Variants in ARMC7 observed in about 807,000 individuals in gnomAD.
The protein encoded by ARMC7 is armadillo repeat containing 7, also known as armadillo repeat-containing protein 7.
A neutral mutation model predicts 14.8 loss-of-function variants in ARMC7; 9 were observed. The observed-to-expected ratio is 0.61, with a 90% confidence interval of 0.37 to 1.06. ARMC7 has a LOEUF of 1.06. Among genes scored for constraint, ARMC7 ranks in the 50% least tolerant of loss-of-function variants. The probability of loss-of-function intolerance (pLI) is 0.01; values close to 1 mark genes in which losing one functional copy is unlikely to be tolerated. For synonymous variants in ARMC7, 125 were observed against 123.4 expected (o/e 1.01, Z -0.09); for missense variants, 262 against 267.1 (o/e 0.98, Z 0.13).
At chr17:75,121,570 T>G (rs534777329) in intron 2 of ARMC7, among the ~76,000 whole-genome samples, 29 of 152,276 alleles carry the variant, frequency 1.9e-4, no homozygotes, top group Non-Finnish European at 5.9e-5. Context: ...TAGGCCACCA[T>G]GCCTAGCTAA....
Position 75,110,590 on chromosome 17 carries a change from G to A in ARMC7, c.219G>A (p.Leu73=). The change falls in exon 2 of 3, where the codon CTG becomes CTA. Residue 73 remains leucine, a synonymous_variant. Coordinates refer to ENST00000245543, the MANE Select transcript of ARMC7 (RefSeq NM_024585.4). ...LDSLSEENET[L]VEFAIGGLCN... is the part of the protein sequence containing the mutation. ...CGCTGTCGGAGGAGAATGAGACCCT[G>A]GTGGAGTTTGCTATTGGTAAGGGCG... 6.2e-7 allele frequency: 1 copy of A among 1,614,242 alleles called. No homozygotes were observed. The highest frequency in any genetic ancestry group is 1.1e-5 in the South Asian group (1 of 91,090).
chr17:75,122,605 C>G (rs2074021417), intron 2 of ARMC7, among the ~76,000 whole-genome samples: 1 of 152,028 alleles, frequency 6.6e-6, no homozygotes, highest in Non-Finnish European at 1.5e-5. Context: ...TCAGGTGATC[C>G]TCCTGCCTCA....
At chr17:75,120,941 C>T (rs988425874) in intron 2 of ARMC7, among the ~76,000 whole-genome samples, 2 of 152,014 alleles carry the variant, frequency 1.3e-5, no homozygotes, top group Admixed American at 6.6e-5. Context: ...AGCTCCTAAA[C>T]CAAGACGTAG....
intron 2 of ARMC7, among the ~76,000 whole-genome samples, 174 bp downstream of exon 2, chr17:75,110,780 TG>T (rs1210541831): frequency 2.0e-5 from 3 of 151,748 alleles, no homozygotes; most frequent in Non-Finnish European, 4.4e-5. Flanking sequence ...CTGGCCCACA[TG>T]GCGAAACCCC....
Position 75,110,316 on chromosome 17 carries a change from C to A in ARMC7, c.28C>A (p.His10Asn). The change falls in exon 1 of 3, where the codon CAC becomes AAC. Residue 10 changes from histidine (H) to asparagine (N), a missense_variant. Physicochemically the swap from His to Asn is moderately conservative, Grantham distance 68. Coordinates refer to ENST00000245543, the MANE Select transcript of ARMC7 (RefSeq NM_024585.4). ...GGCCCAGAAGCCGAAGGTGGACCCC[C>A]ACGTCGGGCGGCTGGGATACCTGCA... MAQKPKVDPHVGRLGYLQAL... is the reference protein window; with the variant it reads MAQKPKVDPNVGRLGYLQAL... 1 of 1,613,390 alleles carries A rather than the reference C, an allele frequency of 6.2e-7. No individual in the cohort carries two copies. The highest frequency in any genetic ancestry group is 8.5e-7 in the Non-Finnish European group (1 of 1,180,010).
chr17:75,114,169 CTGCTGCAG>C, intron 2 of ARMC7: 1 of 401,314 alleles, frequency 2.5e-6, no homozygotes, highest in Non-Finnish European at 4.4e-6. Context: ...GCCCCCACAG[CTGCTGCAG>C]TCTGAACGGT....
intron 2 of ARMC7, among the ~76,000 whole-genome samples, chr17:75,113,199 T>TAC (rs773854367): frequency 1.2e-3 from 185 of 149,578 alleles, no homozygotes; most frequent in Middle Eastern, 7.0e-3. Context: ...AATTTTTGTG[T>TAC]TTTTAGTAGA....
At position 75,110,263 on chromosome 17, in the gene ARMC7, C is replaced by G. The variant is rs1164739808; in HGVS notation, c.-26C>G. ...CACCTTTCCCACCCTCCCGCCCGTC[C>G]CTGGGGGTCCTCCGTCACCGCGGCC... On this transcript the variant is annotated 5_prime_UTR_variant, in exon 1 of 3. Transcript: ENST00000245543. 6.3e-7 allele frequency: 1 copy of G among 1,583,714 alleles called. No individual in the cohort carries two copies. Among genetic ancestry groups the G allele is most frequent in the South Asian group, 1.1e-5 (1 of 87,112 alleles).
Position 75,114,511 on chromosome 17 carries a change from C to T in ARMC7, c.235+3905C>T, listed in dbSNP as rs78687897. The T allele has an allele frequency of 3.5e-3, 1,360 of 392,568 alleles. 7 individuals carry two copies. The highest frequency in any genetic ancestry group is 4.7e-3 in the Non-Finnish European group (1,041 of 222,554). 24.3% of individuals were successfully genotyped at this position (392,568 alleles called of 1,614,324 possible). A position where few individuals can be genotyped will look rare whatever the true frequency, so the allele number is the denominator to read the frequency against. The stretch of plus-strand genomic sequence containing the variant: ...GGAGTCCGCGGTCCCAGCGTCTCCA[C>T]TTCTCAGCTGATTCCTAGAAGCTGA... On this transcript the variant is annotated intron_variant, in intron 2 of 2. Transcript: ENST00000245543.
At chr17:75,117,807 A>G (rs2073983738) in intron 2 of ARMC7, among the ~76,000 whole-genome samples, 1 of 152,112 alleles carries the variant, frequency 6.6e-6, no homozygotes, top group Non-Finnish European at 1.5e-5. Flanking sequence ...CTGAAAAGCA[A>G]CTCAAGGACA....
intron 2 of ARMC7, among the ~76,000 whole-genome samples, chr17:75,117,229 A>G (rs2073979417): frequency 6.6e-6 from 1 of 152,130 alleles, no homozygotes; most frequent in African/African-American, 2.4e-5. Context: ...AGCACCCGCC[A>G]CCACACCCAG....
rs1568012986 is a variant in ARMC7, at chr17:75,110,339, G to T, written c.51G>T (p.Leu17=). Reference sequence around the variant, plus strand: ...CCCACGTCGGGCGGCTGGGATACCTGCAGGCGCTGGTCACGGAATTCCAGG... The same window carrying T: ...CCCACGTCGGGCGGCTGGGATACCTTCAGGCGCTGGTCACGGAATTCCAGG... ...VDPHVGRLGY[L]QALVTEFQET... is the part of the protein sequence containing the mutation. Residue 17 remains leucine (L), a synonymous_variant, in exon 1 of 3, where the codon CTG becomes CTT. Coordinates refer to ENST00000245543, the MANE Select transcript of ARMC7 (RefSeq NM_024585.4). 6.2e-7 allele frequency: 1 copy of T among 1,614,004 alleles called. No homozygotes were observed. The highest frequency in any genetic ancestry group is 2.2e-5 in the East Asian group (1 of 44,880).
rs776152916 is a variant in ARMC7, at chr17:75,128,957, G to C, written c.516G>C (p.Gln172His). ...IFLEDFCSPR[Q>H]VAEARSRQAH... is the part of the protein sequence containing the mutation. Reference sequence around the variant, plus strand: ...TGGAGGACTTCTGCTCCCCCCGCCAGGTGGCCGAGGCCCGCAGCCGGCAGG... The same window carrying C: ...TGGAGGACTTCTGCTCCCCCCGCCACGTGGCCGAGGCCCGCAGCCGGCAGG... The change falls in exon 3 of 3, where the codon CAG (glutamine) becomes CAC (histidine). Residue 172 changes from glutamine (Q) to histidine (H), a missense_variant. Coordinates refer to ENST00000245543, the MANE Select transcript of ARMC7 (RefSeq NM_024585.4). The C allele has an allele frequency of 6.2e-7, 1 of 1,604,974 alleles. No individual in the cohort carries two copies. The highest frequency in any genetic ancestry group is 1.1e-5 in the South Asian group (1 of 90,960).
intron 2 of ARMC7, among the ~76,000 whole-genome samples, chr17:75,115,590 T>G (rs557627541): frequency 6.6e-6 from 1 of 151,110 alleles, no homozygotes; most frequent in African/African-American, 2.4e-5. Context: ...AGCAGGGTGG[T>G]TCATACCTGT....
At chr17:75,111,695 G>T (rs1477217518) in intron 2 of ARMC7, among the ~76,000 whole-genome samples, 1 of 146,554 alleles carries the variant, frequency 6.8e-6, no homozygotes, top group Non-Finnish European at 1.5e-5. Context: ...CTGGGATTGG[G>T]CCACTGTACT....
At chr17:75,122,826 C>CTACTGTATTTTGACAAATACT (rs2074022870) in intron 2 of ARMC7, among the ~76,000 whole-genome samples, 1 of 151,072 alleles carries the variant, frequency 6.6e-6, no homozygotes, top group Admixed American at 6.6e-5. Flanking sequence ...TGACAAATAA[C>CTACTGTATTTTGACAAATACT]TACTGTAATG....
intron 2 of ARMC7, 147 bp downstream of exon 2, chr17:75,110,753 A>G (rs2073913260): frequency 9.0e-7 from 1 of 1,115,664 alleles, no homozygotes; most frequent in Admixed American, 2.5e-5. Flanking sequence ...ACCTGAGGTC[A>G]TGAGTTCGAG....
chr17:75,116,349 C>T (rs772030506), intron 2 of ARMC7, among the ~76,000 whole-genome samples: 2 of 152,172 alleles, frequency 1.3e-5, no homozygotes, highest in Non-Finnish European at 2.9e-5. Context: ...AGACCTAGGC[C>T]GGGCATGGTG....
At chr17:75,122,259 G>T (rs1050659741) in intron 2 of ARMC7, among the ~76,000 whole-genome samples, 1 of 151,932 alleles carries the variant, frequency 6.6e-6, no homozygotes, top group Non-Finnish European at 1.5e-5. Context: ...CCCGGAGGTG[G>T]AGGATGCAGT....
Sources: gnomAD v4.1 joint callset for allele counts (sites outside exome capture counted in the v4.1 genomes callset) on GRCh38, gnomAD v4.1.1 for gene constraint, MANE v1.5 for transcripts, NCBI Gene and HGNC (gene_info 2026-07-23, HGNC 2026-07-21) for gene names.